FHIT: variants seen among roughly 807,000 people sequenced by gnomAD.
FHIT encodes bis(5'-adenosyl)-triphosphatase.
In FHIT, 19 loss-of-function variants were observed where a neutral mutation model predicts 17.9. The observed-to-expected ratio is 1.06, with a 90% confidence interval of 0.74 to 1.56. The LOEUF (loss-of-function observed/expected upper bound fraction) is 1.56, where lower values mean the gene tolerates loss of function less well. FHIT is among the 40% of genes most tolerant of loss of function. FHIT has a pLI of 0.00. For synonymous variants in FHIT, 81 were observed against 69.7 expected (o/e 1.16, Z -0.81); for missense variants, 248 against 189.2 (o/e 1.31, Z -1.82).
intron 5 of FHIT, among the ~76,000 whole-genome samples, chr3:60,486,765 C>T (rs1210118944): frequency 6.6e-6 from 1 of 152,170 alleles, no homozygotes; most frequent in Admixed American, 6.6e-5. Flanking sequence ...TATCTTTCAA[C>T]GGATATCCTC....
chr3:60,574,528 G>C (rs539448989), intron 4 of FHIT, among the ~76,000 whole-genome samples: 164 of 152,098 alleles, frequency 1.1e-3, no homozygotes, highest in Non-Finnish European at 4.3e-4. Flanking sequence ...AACTGAAAGG[G>C]ATATATTGTG....
chr3:61,112,046 C>A (rs989222736), intron 2 of FHIT, among the ~76,000 whole-genome samples: 6 of 152,164 alleles, frequency 3.9e-5, no homozygotes, highest in African/African-American at 1.2e-4. Flanking sequence ...TCAGGAAACA[C>A]AGACTCAGAG....
intron 5 of FHIT, among the ~76,000 whole-genome samples, chr3:60,025,534 A>G (rs919218225): frequency 6.6e-6 from 1 of 152,162 alleles, no homozygotes; most frequent in African/African-American, 2.4e-5. Flanking sequence ...CACAAGCATG[A>G]AGCCTCCATA....
chr3:59,926,456 T>C (rs1705665091), intron 7 of FHIT, among the ~76,000 whole-genome samples: 1 of 152,218 alleles, frequency 6.6e-6, no homozygotes, highest in African/African-American at 2.4e-5. Flanking sequence ...TACATTCTAA[T>C]TTTGGATAGA....
At chr3:61,167,092 T>C (rs1315841369) in intron 2 of FHIT, 1 of 152,144 alleles carries the variant, frequency 6.6e-6, no homozygotes, top group Non-Finnish European at 1.5e-5. Flanking sequence ...AAATCTAATG[T>C]GAAAATCCGG....
intron 5 of FHIT, among the ~76,000 whole-genome samples, chr3:60,234,418 CCATACACAATA>C (rs1486447770): frequency 1.3e-5 from 2 of 152,284 alleles, no homozygotes; most frequent in South Asian, 2.1e-4. Context: ...TTCAATATAT[CCATACACAATA>C]CATGCACATA....
chr3:60,817,661 C>A (rs1701787461), intron 4 of FHIT, among the ~76,000 whole-genome samples: 1 of 151,978 alleles, frequency 6.6e-6, no homozygotes, highest in South Asian at 2.1e-4. Context: ...TGGCTACTAT[C>A]AAGATTCTCT....
At chr3:59,821,899 C>T (rs1426498112) in intron 8 of FHIT, among the ~76,000 whole-genome samples, 3 of 152,120 alleles carry the variant, frequency 2.0e-5, no homozygotes, top group Admixed American at 6.5e-5. Context: ...GTGCACCCAA[C>T]ACCTGAACAG....
chr3:61,069,954 T>G lies in FHIT; in HGVS notation c.-163-27855A>C, dbSNP rs143451824. On this transcript the variant is annotated intron_variant, in intron 2 of 9. Coordinates refer to ENST00000492590, the MANE Select transcript of FHIT (RefSeq NM_002012.4). The stretch of plus-strand genomic sequence containing the variant: ...GTTGTTTTTGAGACAGAGTCTCACC[T>G]AGGCTGGAATGCAGTGGTGCGATCT... Among the ~76,000 whole-genome samples, 279 of 152,288 alleles carry G rather than the reference T, an allele frequency of 1.8e-3. 3 individuals are homozygous for G. Among genetic ancestry groups the G allele is most frequent in the African/African-American group, 6.5e-3 (270 of 41,572 alleles).
intron 8 of FHIT, among the ~76,000 whole-genome samples, chr3:59,845,641 C>T (rs1701691813): frequency 6.6e-6 from 1 of 152,092 alleles, no homozygotes; most frequent in African/African-American, 2.4e-5. Flanking sequence ...AGAGAAGACA[C>T]TCTGTACAAT....
chr3:60,876,954 A>C (rs1553756670), intron 3 of FHIT, among the ~76,000 whole-genome samples: 2 of 152,164 alleles, frequency 1.3e-5, no homozygotes, highest in African/African-American at 4.8e-5. Flanking sequence ...TGAGCCAGAA[A>C]CCCAGAGGAA....
intron 5 of FHIT, among the ~76,000 whole-genome samples, chr3:60,329,081 A>G (rs1709837810): frequency 6.6e-6 from 1 of 152,244 alleles, no homozygotes; most frequent in African/African-American, 2.4e-5. Flanking sequence ...TATGGATTTA[A>G]TTAGTTAACT....
chr3:60,286,345 A>G (rs1240415801), intron 5 of FHIT, among the ~76,000 whole-genome samples: 1 of 152,206 alleles, frequency 6.6e-6, no homozygotes, highest in Non-Finnish European at 1.5e-5. Flanking sequence ...TGTACATAAT[A>G]TGAGTTGCAA....
chr3:60,959,829 CTGTT>C lies in FHIT; in HGVS notation c.-111+82214_-111+82217del, dbSNP rs1206922012. On this transcript the variant is annotated intron_variant, in intron 3 of 9. Coordinates refer to ENST00000492590, the MANE Select transcript of FHIT (RefSeq NM_002012.4). ...TTTTTTTTTTTTTTTAATGTCAACA[CTGTT>C]TGGTGTTTATTTGGTGAGCCTGAGG... 1.1e-4 allele frequency among the ~76,000 whole-genome samples: 16 copies of C among 146,746 alleles called. No homozygotes were observed. In the East Asian group the frequency reaches 2.8e-3, roughly 26 times the overall value.
At chr3:60,005,806 T>A (rs183629665) in intron 7 of FHIT, among the ~76,000 whole-genome samples, 134 of 152,252 alleles carry the variant, frequency 8.8e-4, no homozygotes, top group African/African-American at 3.1e-3. Flanking sequence ...TCTTTCCAAA[T>A]GAAAATAATA....
intron 2 of FHIT, among the ~76,000 whole-genome samples, chr3:61,095,780 G>T (rs1353471389): frequency 6.6e-6 from 1 of 152,168 alleles, no homozygotes; most frequent in Non-Finnish European, 1.5e-5. Context: ...CCTCTCTTCA[G>T]GGTATCACTC....
chr3:60,104,042 C>T (rs897749988), intron 5 of FHIT, among the ~76,000 whole-genome samples: 1 of 152,138 alleles, frequency 6.6e-6, no homozygotes, highest in Admixed American at 6.5e-5. Context: ...TCTGTGACCC[C>T]TACATGAGGC....
At chr3:61,190,036 T>G (rs1164741464) in intron 2 of FHIT, among the ~76,000 whole-genome samples, 2 of 152,074 alleles carry the variant, frequency 1.3e-5, no homozygotes, top group Non-Finnish European at 2.9e-5. Context: ...AAGGACTTCA[T>G]GTCTAAAACA....
intron 5 of FHIT, among the ~76,000 whole-genome samples, chr3:60,474,833 G>A (rs1168706137): frequency 6.6e-6 from 1 of 152,052 alleles, no homozygotes; most frequent in African/African-American, 2.4e-5. Context: ...ATGTTGCTCA[G>A]GCTGTTCTCA....
Sources: gnomAD v4.1 joint callset for allele counts (sites outside exome capture counted in the v4.1 genomes callset) on GRCh38, gnomAD v4.1.1 for gene constraint, MANE v1.5 for transcripts, NCBI Gene and HGNC (gene_info 2026-07-23, HGNC 2026-07-21) for gene names.